The following UBE2N variants were observed in gnomAD, a reference collection of about 807,000 sequenced individuals.
The protein encoded by UBE2N is ubiquitin-conjugating enzyme E2 N.
For synonymous variants in UBE2N, 70 were observed against 69.2 expected, an observed-to-expected ratio of 1.01 and a Z score of -0.06; for missense variants, 60 against 192.1, an observed-to-expected ratio of 0.31 and a Z score of 4.07.
intron 1 of UBE2N, among the ~76,000 whole-genome samples, chr12:93,428,210 G>A (rs936966044): frequency 1.3e-5 from 2 of 152,056 alleles, no homozygotes; most frequent in Admixed American, 1.3e-4. Context: ...ATGAGCCACC[G>A]CACCCAGCCA....
chr12:93,433,625 T>A (rs571685273), intron 1 of UBE2N, among the ~76,000 whole-genome samples: 1 of 152,308 alleles, frequency 6.6e-6, no homozygotes, highest in African/African-American at 2.4e-5. Context: ...ATGCCTCTCA[T>A]ATTTATTTTG....
At position 93,429,207 on chromosome 12, in the gene UBE2N, T is replaced by C. The variant is rs144648186; in HGVS notation, c.30+12648A>G. The C allele has an allele frequency of 3.4e-3, 1,152 of 339,736 alleles. 11 individuals are homozygous for C. The highest frequency in any genetic ancestry group is 0.023 in the African/African-American group (1,041 of 44,442). The allele number at this position is 339,736 out of a possible 1,614,324, so 21.0% of individuals were successfully genotyped here. A position where few individuals can be genotyped will look rare whatever the true frequency, so the allele number is the denominator to read the frequency against. On this transcript the variant is annotated intron_variant, in intron 1 of 3. Transcript: ENST00000318066. ...GCTGCTTGAACCCAGGAGGCGGAGG[T>C]TGCAGTGAGCCAAGATCACACCATT...
chr12:93,431,079 T>C (rs1213235578), intron 1 of UBE2N, among the ~76,000 whole-genome samples: 2 of 151,952 alleles, frequency 1.3e-5, no homozygotes, highest in Non-Finnish European at 2.9e-5. Context: ...ATACAAAAAT[T>C]AGCCGGGTGT....
intron 1 of UBE2N, among the ~76,000 whole-genome samples, chr12:93,416,451 CT>C (rs35555714): frequency 0.016 from 2,371 of 144,592 alleles, 35 homozygotes; most frequent in African/African-American, 0.048. Context: ...ACTTATCTAT[CT>C]TTTTTTTTTT....
chr12:93,437,382 T>C (rs1565799270), intron 1 of UBE2N, among the ~76,000 whole-genome samples: 1 of 148,314 alleles, frequency 6.7e-6, no homozygotes, highest in Admixed American at 6.7e-5. Flanking sequence ...AAAGTCAACT[T>C]GAAGATACAT....
rs985221464 is a variant in UBE2N at position 93,427,400 on chromosome 12, A to G, written c.30+14455T>C. Among the ~76,000 whole-genome samples the G allele has an allele frequency of 3.3e-5, 5 of 152,368 alleles. 1 individual carries two copies. The highest frequency in any genetic ancestry group is 1.9e-4 in the East Asian group (1 of 5,196). ...TCACTTTTTAAAAGGTTTTATTTAG[A>G]AAACACTTCAGGTAAAATATTTACA... On this transcript the variant is annotated intron_variant, in intron 1 of 3. Coordinates refer to ENST00000318066, the MANE Select transcript of UBE2N (RefSeq NM_003348.4).
chr12:93,423,240 G>C lies in UBE2N; in HGVS notation c.31-11941C>G, dbSNP rs542777165. Among the ~76,000 whole-genome samples, 3 of 152,320 alleles carry C rather than the reference G, an allele frequency of 2.0e-5. 1 individual carries two copies. The highest frequency in any genetic ancestry group is 7.2e-5 in the African/African-American group (3 of 41,570). On this transcript the variant is annotated intron_variant, in intron 1 of 3. Coordinates refer to ENST00000318066, the MANE Select transcript of UBE2N (RefSeq NM_003348.4). ...CCCTCTTTTCTTTGGCCCTCCTGAA[G>C]AATGTGTGAGGTAACTAATAACTCT...
rs1877965944 is a variant in UBE2N, at chr12:93,409,393, T to G, written c.*646A>C. 1 of 166,634 alleles carries G rather than the reference T, an allele frequency of 6.0e-6. No individual in the cohort carries two copies. The highest frequency in any genetic ancestry group is 2.1e-4 in the South Asian group (1 of 4,832). 10.3% of individuals were successfully genotyped at this position (166,634 alleles called of 1,614,324 possible). A position where few individuals can be genotyped will look rare whatever the true frequency, so the allele number is the denominator to read the frequency against. On this transcript the variant is annotated 3_prime_UTR_variant, in exon 4 of 4. Transcript: ENST00000318066. ...AAAATATTTTACTAAAACATAAGAT[T>G]TACAGAAGTTTCCAGACAAGCCATA...
chr12:93,417,567 A>G (rs770512766), intron 1 of UBE2N, among the ~76,000 whole-genome samples: 31 of 152,212 alleles, frequency 2.0e-4, no homozygotes, highest in Admixed American at 1.3e-4. Context: ...TCCTGTCTAC[A>G]GTGATTAGGT....
chr12:93,426,406 A>G (rs1878585679), intron 1 of UBE2N, among the ~76,000 whole-genome samples: 1 of 151,926 alleles, frequency 6.6e-6, no homozygotes. Context: ...AAAAAAAAAA[A>G]AAGCTACAAA....
Position 93,409,418 on chromosome 12 carries a change from A to T in UBE2N, c.*621T>A, listed in dbSNP as rs643636. ...TTACAGAAGTTTCCAGACAAGCCAT[A>T]CAAAATGGTCACAAGCTTTTTTTGA... On this transcript the variant is annotated 3_prime_UTR_variant, in exon 4 of 4. Transcript: ENST00000318066. 6.0e-6 allele frequency: 1 copy of T among 166,990 alleles called. No homozygotes were observed. Among genetic ancestry groups the T allele is most frequent in the Non-Finnish European group, 1.5e-5 (1 of 68,128 alleles). The allele number at this position is 166,990 out of a possible 1,614,324, so 10.3% of individuals were successfully genotyped here. A position where few individuals can be genotyped will look rare whatever the true frequency, so the allele number is the denominator to read the frequency against.
At chr12:93,423,298 G>C (rs929409394) in intron 1 of UBE2N, among the ~76,000 whole-genome samples, 5 of 152,174 alleles carry the variant, frequency 3.3e-5, no homozygotes, top group African/African-American at 1.2e-4. Flanking sequence ...AGCCAAAGCT[G>C]GCTTCTGTTG....
chr12:93,414,554 G>C (rs1468391674), intron 1 of UBE2N, among the ~76,000 whole-genome samples: 2 of 151,126 alleles, frequency 1.3e-5, no homozygotes, highest in African/African-American at 2.4e-5. Context: ...ATCTTCAGCT[G>C]TTCTCTCTCC....
rs1213114597 is a variant in UBE2N at position 93,431,236 on chromosome 12, GCCAA to G, written c.30+10615_30+10618del. Among the ~76,000 whole-genome samples the G allele has an allele frequency of 2.8e-5, 4 of 142,984 alleles. No homozygotes were observed. The East Asian group carries it at 5.8e-4, about 21-fold the overall frequency. 93.8% of individuals were successfully genotyped at this position (142,984 alleles called of 152,430 possible). ...AGAGCAAAACTCCGTCTCAAAAAAA[GCCAA>G]CCAACCAACCAAACAAACAAAACAC... On this transcript the variant is annotated intron_variant, in intron 1 of 3. Transcript: ENST00000318066.
chr12:93,419,609 T>C (rs779211009), intron 1 of UBE2N, among the ~76,000 whole-genome samples: 1 of 152,212 alleles, frequency 6.6e-6, no homozygotes, highest in Non-Finnish European at 1.5e-5. Context: ...CAGTACACAC[T>C]ACCCCCTAGT....
chr12:93,431,366 T>A (rs73366065), intron 1 of UBE2N, among the ~76,000 whole-genome samples: 4,859 of 152,300 alleles, frequency 0.032, 284 homozygotes, highest in African/African-American at 0.11. Context: ...CACTGCCAGT[T>A]ATTATCTAGG....
chr12:93,410,789 T>G lies in UBE2N; in HGVS notation c.363A>C (p.Leu121Phe). Residue 121 changes from leucine (L) to phenylalanine (F), a missense_variant, in exon 3 of 4, where the codon TTA (leucine) becomes TTC (phenylalanine). Transcript: ENST00000318066. Reference protein sequence around the residue: ...LLSAPNPDDPLANDVAEQWKT... With the variant: ...LLSAPNPDDPFANDVAEQWKT... ...TCCACTGCTCCGCTACATCATTTGC[T>G]AATGGATCATCTGGATTGGGAGCAC... is the stretch of plus-strand genomic sequence containing the variant. The G allele has an allele frequency of 6.2e-7, 1 of 1,614,234 alleles. No individual in the cohort carries two copies. Among genetic ancestry groups the G allele is most frequent in the Non-Finnish European group, 8.5e-7 (1 of 1,180,048 alleles).
chr12:93,423,223 T>C (rs776826420), intron 1 of UBE2N, among the ~76,000 whole-genome samples: 1 of 152,234 alleles, frequency 6.6e-6, no homozygotes. Flanking sequence ...CTCCCTCTTT[T>C]CTTTGGCCCT....
rs1483631330 is a variant in UBE2N at position 93,408,916 on chromosome 12, G to T, written c.*1123C>A. 6.6e-6 allele frequency: 1 copy of T among 152,586 alleles called. No individual in the cohort carries two copies. The highest frequency in any genetic ancestry group is 1.5e-5 in the Non-Finnish European group (1 of 68,010). 9.5% of individuals were successfully genotyped at this position (152,586 alleles called of 1,614,324 possible). On this transcript the variant is annotated 3_prime_UTR_variant, in exon 4 of 4. Transcript: ENST00000318066. ...TGAAAGGTTACAGATGAAATTTTCA[G>T]ATAAGAACCAAGAAAAATGTCATAA...
Sources: gnomAD v4.1 joint callset for allele counts (sites outside exome capture counted in the v4.1 genomes callset) on GRCh38, gnomAD v4.1.1 for gene constraint, MANE v1.5 for transcripts, NCBI Gene and HGNC (gene_info 2026-07-23, HGNC 2026-07-21) for gene names.